The following FGF14 variants were observed in gnomAD, a reference collection of about 807,000 sequenced individuals.
FGF14 encodes the protein fibroblast growth factor 14.
Under a neutral mutation model 25.5 loss-of-function variants are expected in FGF14, and 5 were observed. The ratio of observed to expected loss-of-function variants is 0.20; its 90% confidence interval spans 0.10 to 0.41. FGF14 has a LOEUF of 0.41. FGF14 is among the 10% of genes least tolerant of loss of function. FGF14 has a pLI of 1.00. For missense variants in FGF14, 222 were observed against 320.1 expected (o/e 0.69, Z 2.34); for synonymous variants, 138 against 118.3 (o/e 1.17, Z -1.08).
At chr13:102,144,735 G>T (rs1378296038) in intron 1 of FGF14, among the ~76,000 whole-genome samples, 1 of 152,092 alleles carries the variant, frequency 6.6e-6, no homozygotes, top group African/African-American at 2.4e-5. Context: ...GAATTGCATT[G>T]ATCCCAGAGT....
chr13:101,815,919 C>T (rs570034476), intron 3 of FGF14, among the ~76,000 whole-genome samples: 44 of 152,218 alleles, frequency 2.9e-4, no homozygotes, highest in Admixed American at 4.6e-4. Flanking sequence ...GGAATTTCAT[C>T]TGAATTAACA....
chr13:102,275,629 G>A (rs190409297), intron 1 of FGF14, among the ~76,000 whole-genome samples: 2 of 152,062 alleles, frequency 1.3e-5, no homozygotes, highest in Non-Finnish European at 2.9e-5. Flanking sequence ...ATATAGAATC[G>A]GGATCTCAGA....
chr13:101,889,357 G>A (rs2046153706), intron 1 of FGF14, among the ~76,000 whole-genome samples: 1 of 152,100 alleles, frequency 6.6e-6, no homozygotes, highest in Non-Finnish European at 1.5e-5. Flanking sequence ...TCCCAGGATA[G>A]TTTTTGCCTT....
At chr13:101,913,057 T>A (rs1285221900) in intron 1 of FGF14, among the ~76,000 whole-genome samples, 1 of 152,244 alleles carries the variant, frequency 6.6e-6, no homozygotes, top group Non-Finnish European at 1.5e-5. Flanking sequence ...GAATTATTTT[T>A]AATTGTATCC....
chr13:102,227,041 G>A (rs553304878), intron 1 of FGF14, among the ~76,000 whole-genome samples: 1 of 151,946 alleles, frequency 6.6e-6, no homozygotes, highest in Admixed American at 6.6e-5. Context: ...CAAATTCCTG[G>A]AGCTTATTTT....
chr13:101,865,859 AAAATT>A (rs1186565721), intron 3 of FGF14, among the ~76,000 whole-genome samples: 8 of 152,270 alleles, frequency 5.3e-5, no homozygotes, highest in Non-Finnish European at 8.8e-5. Context: ...ACACTGCACA[AAAATT>A]AAATTAACTT....
rs1425027189 is a variant in FGF14, at chr13:102,172,820, A to AAAGGCTGTCCCAT, written c.208+228650_208+228651insATGGGACAGCCTT. ...AGATCATCTTGCTAATATGGGACAG[A>AAAGGCTGTCCCAT]ATTAGAGAGGTGGGGAGCCCCAGGT... is the stretch of plus-strand genomic sequence containing the variant. On this transcript the variant is annotated intron_variant, in intron 1 of 4. Coordinates refer to the FGF14 transcript ENST00000376131. Among the ~76,000 whole-genome samples the AAAGGCTGTCCCAT allele has an allele frequency of 6.6e-5, 10 of 152,284 alleles. No homozygotes were observed. The South Asian group carries it at 2.1e-3, about 32-fold the overall frequency.
intron 1 of FGF14, among the ~76,000 whole-genome samples, chr13:101,880,020 G>T (rs1450862482): frequency 2.0e-5 from 3 of 152,106 alleles, no homozygotes; most frequent in African/African-American, 7.2e-5. Flanking sequence ...GGGAAAATTT[G>T]CTATCTTTGT....
intron 1 of FGF14, among the ~76,000 whole-genome samples, chr13:102,024,938 G>A (rs1278792297): frequency 1.4e-5 from 2 of 144,904 alleles, no homozygotes; most frequent in Non-Finnish European, 3.0e-5. Flanking sequence ...CAGTTTTACT[G>A]GTGTATATAT....
At chr13:101,915,872 T>C (rs2033422584) in intron 1 of FGF14, among the ~76,000 whole-genome samples, 1 of 152,116 alleles carries the variant, frequency 6.6e-6, no homozygotes, top group South Asian at 2.1e-4. Context: ...GGCTGCGCGC[T>C]AAGCAGCCTT....
At chr13:102,075,362 G>T (rs965720415) in intron 1 of FGF14, among the ~76,000 whole-genome samples, 1 of 152,156 alleles carries the variant, frequency 6.6e-6, no homozygotes, top group African/African-American at 2.4e-5. Flanking sequence ...GCTGCACAAT[G>T]AATTTGGTTA....
intron 1 of FGF14, among the ~76,000 whole-genome samples, chr13:101,948,497 A>C (rs2035958647): frequency 6.6e-6 from 1 of 150,494 alleles, no homozygotes; most frequent in South Asian, 2.1e-4. Flanking sequence ...ATAAAGAAAC[A>C]AGTATACTAC....
At chr13:101,851,955 T>C (rs2043874350) in intron 3 of FGF14, among the ~76,000 whole-genome samples, 2 of 152,078 alleles carry the variant, frequency 1.3e-5, no homozygotes, top group South Asian at 2.1e-4. Context: ...ACACAGCTTG[T>C]AGGTGGTGGA....
At chr13:101,790,011 T>C (rs1209777192) in intron 3 of FGF14, among the ~76,000 whole-genome samples, 1 of 151,896 alleles carries the variant, frequency 6.6e-6, no homozygotes, top group Non-Finnish European at 1.5e-5. Context: ...CAACCAGATG[T>C]TCAATGCCTT....
At chr13:102,281,656 C>T (rs1278783019) in intron 1 of FGF14, among the ~76,000 whole-genome samples, 1 of 150,988 alleles carries the variant, frequency 6.6e-6, no homozygotes, top group Non-Finnish European at 1.5e-5. Flanking sequence ...CTCTGTTTAT[C>T]TTACGTATTC....
intron 1 of FGF14, among the ~76,000 whole-genome samples, chr13:101,954,695 T>C (rs2036399704): frequency 8.4e-6 from 1 of 119,350 alleles, no homozygotes. Context: ...CTGAATTCAC[T>C]GAAAGTGTGT....
intron 1 of FGF14, among the ~76,000 whole-genome samples, chr13:102,125,463 C>G (rs576121261): frequency 1.3e-5 from 2 of 152,104 alleles, no homozygotes; most frequent in Non-Finnish European, 2.9e-5. Context: ...ATAGACACAA[C>G]GCTTCACCTA....
intron 1 of FGF14, among the ~76,000 whole-genome samples, chr13:101,964,286 C>G (rs1390901024): frequency 6.8e-6 from 1 of 147,522 alleles, no homozygotes; most frequent in Non-Finnish European, 1.5e-5. Flanking sequence ...TAAAAGTTTT[C>G]ATGTATTGTT....
intron 1 of FGF14, among the ~76,000 whole-genome samples, chr13:101,950,142 A>G (rs1030172520): frequency 1.3e-5 from 2 of 152,110 alleles, no homozygotes; most frequent in African/African-American, 2.4e-5. Context: ...GCCCAATAAG[A>G]ACAGAAAAGC....
Sources: allele counts gnomAD v4.1 joint callset (sites outside exome capture counted in the v4.1 genomes callset), GRCh38; gene constraint gnomAD v4.1.1; transcripts MANE v1.5; gene names NCBI Gene and HGNC (gene_info 2026-07-23, HGNC 2026-07-21).